Variants in MAF observed in about 807,000 individuals in gnomAD.
The protein encoded by MAF is transcription factor Maf.
A neutral mutation model predicts 22.0 loss-of-function variants in MAF; 10 were observed. That is an observed-to-expected ratio of 0.45 (90% CI 0.28 to 0.77). The LOEUF is 0.77. MAF is among the 30% of genes least tolerant of loss of function. The pLI, the probability that MAF is intolerant of heterozygous loss-of-function variation, is 0.12. For missense variants in MAF, 544 were observed against 548.4 expected, an observed-to-expected ratio of 0.99 and a Z score of 0.08; for synonymous variants, 337 against 255.8, an observed-to-expected ratio of 1.32 and a Z score of -3.03.
At chr16:79,485,852 G>C in the MAF span, among the ~76,000 whole-genome samples, 1 of 152,136 alleles carries the variant, frequency 6.6e-6, no homozygotes. Context: ...GGCTGGCAGA[G>C]AGCATATGAA....
the MAF span, among the ~76,000 whole-genome samples, chr16:79,466,637 G>T: frequency 6.6e-6 from 1 of 152,218 alleles, no homozygotes; most frequent in Non-Finnish European, 1.5e-5. Flanking sequence ...TGCATGTACT[G>T]ATTTTCAAAT....
chr16:79,588,480 G>A (rs1023041079), intron 1 of MAF, among the ~76,000 whole-genome samples: 1 of 151,742 alleles, frequency 6.6e-6, no homozygotes, highest in Non-Finnish European at 1.5e-5. Flanking sequence ...TTTTGCCCAG[G>A]CTTGAGTGCA....
chr16:79,223,014 C>A, the MAF span, among the ~76,000 whole-genome samples: 4 of 152,134 alleles, frequency 2.6e-5, no homozygotes, highest in Non-Finnish European at 4.4e-5. Context: ...CTGGACCAAG[C>A]AGATCTAATA....
At chr16:79,425,148 T>C in the MAF span, among the ~76,000 whole-genome samples, 8 of 152,218 alleles carry the variant, frequency 5.3e-5, no homozygotes, top group African/African-American at 1.7e-4. Context: ...TATTTAATGA[T>C]ATTATAATAT....
the MAF span, among the ~76,000 whole-genome samples, chr16:79,452,048 T>C: frequency 2.6e-5 from 4 of 152,342 alleles, no homozygotes; most frequent in East Asian, 1.9e-4. Context: ...TAAAGTTTTA[T>C]TGGAACTCAG....
chr16:79,483,885 T>G, the MAF span, among the ~76,000 whole-genome samples: 20 of 152,330 alleles, frequency 1.3e-4, no homozygotes, highest in South Asian at 4.1e-4. Flanking sequence ...ATCTTCGCCT[T>G]CTGTCCCCTT....
the MAF span, among the ~76,000 whole-genome samples, chr16:79,226,507 C>T: frequency 6.6e-6 from 1 of 151,862 alleles, no homozygotes; most frequent in Non-Finnish European, 1.5e-5. Context: ...GCACATGTAC[C>T]CCAGAACTTA....
At chr16:79,444,015 C>T in the MAF span, among the ~76,000 whole-genome samples, 25 of 151,894 alleles carry the variant, frequency 1.6e-4, no homozygotes, top group African/African-American at 5.3e-4. Flanking sequence ...CATTTATATA[C>T]GTACACACAC....
the MAF span, among the ~76,000 whole-genome samples, chr16:79,329,314 C>G: frequency 7.9e-5 from 12 of 152,240 alleles, no homozygotes; most frequent in Non-Finnish European, 2.9e-5. Context: ...CGACTCTAGA[C>G]CGACTAAACT....
At chr16:79,507,705 G>A in the MAF span, among the ~76,000 whole-genome samples, 8 of 152,154 alleles carry the variant, frequency 5.3e-5, no homozygotes, top group Non-Finnish European at 7.3e-5. Flanking sequence ...TATTACAGGC[G>A]TGAGCCACCG....
the MAF span, among the ~76,000 whole-genome samples, chr16:79,299,087 G>A: frequency 1.3e-5 from 2 of 152,236 alleles, no homozygotes; most frequent in African/African-American, 4.8e-5. Context: ...ACTTGAGAAT[G>A]AAGAGCAAAT....
At chr16:79,296,329 T>A in the MAF span, among the ~76,000 whole-genome samples, 1 of 152,046 alleles carries the variant, frequency 6.6e-6, no homozygotes, top group Non-Finnish European at 1.5e-5. Context: ...TGAGAATACA[T>A]GGACACAGGG....
the MAF span, among the ~76,000 whole-genome samples, chr16:79,454,243 C>A: frequency 6.6e-6 from 1 of 152,140 alleles, no homozygotes; most frequent in East Asian, 1.9e-4. Context: ...AGAGCCCAAG[C>A]CCATAAGCCC....
the MAF span, among the ~76,000 whole-genome samples, chr16:79,457,954 T>G: frequency 6.6e-6 from 1 of 152,006 alleles, no homozygotes; most frequent in Non-Finnish European, 1.5e-5. Flanking sequence ...TAGAACATTT[T>G]TAGACTTTAA....
At chr16:79,548,032 C>T in the MAF span, among the ~76,000 whole-genome samples, 3 of 152,060 alleles carry the variant, frequency 2.0e-5, no homozygotes, top group African/African-American at 7.2e-5. Flanking sequence ...ACACAAAAAA[C>T]TGAGATCTGT....
At chr16:79,541,662 GTTT>G in the MAF span, among the ~76,000 whole-genome samples, 1 of 123,870 alleles carries the variant, frequency 8.1e-6, no homozygotes. Flanking sequence ...GGTTTTTTTA[GTTT>G]TTTTTTTTTT....
the MAF span, among the ~76,000 whole-genome samples, chr16:79,416,724 G>A: frequency 6.6e-6 from 1 of 152,288 alleles, no homozygotes; most frequent in South Asian, 2.1e-4. Context: ...ATGGAATTGG[G>A]ATTAGAAGAC....
chr16:79,453,025 C>T, the MAF span, among the ~76,000 whole-genome samples: 1 of 152,166 alleles, frequency 6.6e-6, no homozygotes, highest in Non-Finnish European at 1.5e-5. Context: ...ATGGAGCTAG[C>T]TGTTGACAGA....
the MAF span, among the ~76,000 whole-genome samples, chr16:79,496,647 A>G: frequency 6.6e-6 from 1 of 152,192 alleles, no homozygotes. Flanking sequence ...CAAAGGAGGG[A>G]GTTCACATAA....
Sources: gnomAD v4.1 joint callset for allele counts (sites outside exome capture counted in the v4.1 genomes callset) on GRCh38, gnomAD v4.1.1 for gene constraint, MANE v1.5 for transcripts, NCBI Gene and HGNC (gene_info 2026-07-23, HGNC 2026-07-21) for gene names.